KIAA1217: variants seen among roughly 807,000 people sequenced by gnomAD.
The protein encoded by KIAA1217 is KIAA1217.
In KIAA1217, 88 loss-of-function variants were observed where a neutral mutation model predicts 163.9. That is an observed-to-expected ratio of 0.54 (90% CI 0.45 to 0.64). KIAA1217 has a LOEUF of 0.64. Among genes scored for constraint, KIAA1217 ranks in the 30% least tolerant of loss-of-function variants. The pLI is 0.00. For synonymous variants in KIAA1217, 903 were observed against 923.1 expected (o/e 0.98, Z 0.39); for missense variants, 2,372 against 2,475.0 (o/e 0.96, Z 0.88).
At chr10:23,736,910 C>A (rs983698203) in intron 1 of KIAA1217, among the ~76,000 whole-genome samples, 8 of 152,072 alleles carry the variant, frequency 5.3e-5, no homozygotes, top group Non-Finnish European at 1.0e-4. Flanking sequence ...GGCCTTTGTT[C>A]TTCCATATAT....
intron 2 of KIAA1217, among the ~76,000 whole-genome samples, chr10:24,171,103 A>G (rs1239186859): frequency 6.6e-6 from 1 of 152,270 alleles, no homozygotes; most frequent in Non-Finnish European, 1.5e-5. Context: ...CAAAGAAGGC[A>G]TCAAGCACTT....
intron 2 of KIAA1217, among the ~76,000 whole-genome samples, chr10:24,123,466 C>T (rs954661786): frequency 1.3e-5 from 2 of 152,042 alleles, no homozygotes; most frequent in Admixed American, 6.6e-5. Context: ...TCCTTGTACA[C>T]GTCTTTTATG....
intron 2 of KIAA1217, among the ~76,000 whole-genome samples, chr10:24,332,314 G>A (rs75025233): frequency 0.02 from 3,062 of 152,282 alleles, 99 homozygotes; most frequent in African/African-American, 0.07. Flanking sequence ...ATTGCCTCAT[G>A]GAACACCCAG....
chr10:24,538,536 G>A (rs1421400188), intron 17 of KIAA1217, among the ~76,000 whole-genome samples: 1 of 133,468 alleles, frequency 7.5e-6, no homozygotes, highest in Non-Finnish European at 1.6e-5. Flanking sequence ...GAGGGAGAGA[G>A]GGTAGGAGGG....
chr10:24,474,437 G>A (rs1482037340), intron 6 of KIAA1217, among the ~76,000 whole-genome samples: 1 of 152,206 alleles, frequency 6.6e-6, no homozygotes. Context: ...ATCTGCTACT[G>A]CTGAAAATAA....
chr10:23,836,087 C>T (rs900656470), intron 1 of KIAA1217, among the ~76,000 whole-genome samples: 5 of 152,138 alleles, frequency 3.3e-5, no homozygotes, highest in African/African-American at 9.7e-5. Flanking sequence ...TTCTTACATA[C>T]TGTACTTCAA....
intron 2 of KIAA1217, among the ~76,000 whole-genome samples, chr10:24,279,722 A>G (rs1285384584): frequency 6.6e-6 from 1 of 152,250 alleles, no homozygotes; most frequent in African/African-American, 2.4e-5. Context: ...TCAAAATAGA[A>G]GCACAGATTT....
At position 24,041,502 on chromosome 10, in the gene KIAA1217, T is replaced by A. The variant is rs186736611; in HGVS notation, c.-171+34128T>A. Among the ~76,000 whole-genome samples the A allele has an allele frequency of 6.0e-4, 92 of 152,114 alleles. 2 individuals carry two copies. In the East Asian group the frequency reaches 0.016, roughly 27 times the overall value. Reference sequence around the variant, plus strand: ...AATAATTTATATCTCTTTCCCTGACTCTCTCTCTCTGATGCACACACATAT... The same window carrying A: ...AATAATTTATATCTCTTTCCCTGACACTCTCTCTCTGATGCACACACATAT... On this transcript the variant is annotated intron_variant, in intron 2 of 18. Coordinates refer to the KIAA1217 transcript ENST00000376462.
At chr10:24,034,869 GCTGCT>G (rs1848328450) in intron 2 of KIAA1217, among the ~76,000 whole-genome samples, 1 of 151,330 alleles carries the variant, frequency 6.6e-6, no homozygotes, top group Admixed American at 6.6e-5. Flanking sequence ...CCAGATCAGA[GCTGCT>G]GGATTCCCAT....
intron 2 of KIAA1217, among the ~76,000 whole-genome samples, chr10:24,375,249 G>A (rs1053806937): frequency 6.6e-6 from 1 of 152,156 alleles, no homozygotes; most frequent in African/African-American, 2.4e-5. Flanking sequence ...TGTGCCCGAT[G>A]GAGCTCCCTG....
chr10:23,962,636 G>A (rs192207584), intron 1 of KIAA1217, among the ~76,000 whole-genome samples: 4 of 152,062 alleles, frequency 2.6e-5, no homozygotes, highest in East Asian at 1.9e-4. Context: ...ACCCTACCCC[G>A]TATCCCACCC....
intron 2 of KIAA1217, among the ~76,000 whole-genome samples, chr10:24,064,283 A>C (rs1344458568): frequency 6.6e-6 from 1 of 152,150 alleles, no homozygotes; most frequent in African/African-American, 2.4e-5. Context: ...TGGGTTTGTC[A>C]TAGATAGCTC....
chr10:24,338,910 A>C (rs2046724384), intron 2 of KIAA1217, among the ~76,000 whole-genome samples: 1 of 152,222 alleles, frequency 6.6e-6, no homozygotes, highest in South Asian at 2.1e-4. Context: ...ACCAAGATTC[A>C]TTTCAGAAAT....
At chr10:24,007,087 C>T (rs1426646592) in intron 1 of KIAA1217, 2 of 151,884 alleles carry the variant, frequency 1.3e-5, no homozygotes, top group Non-Finnish European at 2.9e-5. Flanking sequence ...TACAAAGCAT[C>T]CTGAGCCAGG....
chr10:24,008,549 G>A (rs1847107650), intron 2 of KIAA1217, among the ~76,000 whole-genome samples: 4 of 152,142 alleles, frequency 2.6e-5, no homozygotes, highest in African/African-American at 9.7e-5. Context: ...GCATGCGGGT[G>A]CTGGATTTTG....
In KIAA1217 at chr10:24,501,528, C is replaced by G. The variant is rs2067578300; in HGVS notation, c.1984C>G (p.Gln662Glu). ...GGCGGAACTCAGGCTCCAGCTCCAGCAGATGCGGCAGCTCCAGGTATTCCT... is the reference window on the plus strand; with the variant it reads ...GGCGGAACTCAGGCTCCAGCTCCAGGAGATGCGGCAGCTCCAGGTATTCCT... Reference protein sequence around the residue: ...SVAELRLQLQQMRQLQLQNQE... With the variant: ...SVAELRLQLQEMRQLQLQNQE... The change falls in exon 9 of 21, where the codon CAG becomes GAG. Residue 662 changes from glutamine to glutamate, a missense_variant. Around this residue, in one of 3 missense-constraint regions of KIAA1217, gnomAD observed 1,431 missense variants for 1,470.3 expected, o/e 0.97. Transcript: ENST00000376454. 5.6e-6 allele frequency: 9 copies of G among 1,613,288 alleles called. No individual in the cohort carries two copies. The highest frequency in any genetic ancestry group is 5.9e-6 in the Non-Finnish European group (7 of 1,179,740).
At chr10:24,269,089 T>A (rs1405349487) in intron 2 of KIAA1217, among the ~76,000 whole-genome samples, 135 of 138,738 alleles carry the variant, frequency 9.7e-4, no homozygotes, top group Non-Finnish European at 1.5e-3. Context: ...AGGATAGCAT[T>A]GGGAGATATA....
In KIAA1217 at chr10:23,790,124, TAC is replaced by T. The variant is rs1835699452; in HGVS notation, c.-321+94894_-321+94895del. Among the ~76,000 whole-genome samples, 4 of 86,850 alleles carry T rather than the reference TAC, an allele frequency of 4.6e-5. 1 individual carries two copies. The highest frequency in any genetic ancestry group is 5.5e-5 in the African/African-American group (1 of 18,092). The allele number at this position is 86,850 out of a possible 152,430, so 57.0% of individuals were successfully genotyped here. A position where few individuals can be genotyped will look rare whatever the true frequency, so the allele number is the denominator to read the frequency against. Reference sequence around the variant, plus strand: ...ATATACACATATGCATATACACATATACACATATGCATATACACATATACACA... The same window carrying T: ...ATATACACATATGCATATACACATATACATATGCATATACACATATACACA... On this transcript the variant is annotated intron_variant, in intron 1 of 18. Transcript: ENST00000376462.
At chr10:23,748,872 A>C (rs1387666561) in intron 1 of KIAA1217, among the ~76,000 whole-genome samples, 1 of 151,930 alleles carries the variant, frequency 6.6e-6, no homozygotes, top group Non-Finnish European at 1.5e-5. Flanking sequence ...CCTTTACCCC[A>C]AGTCTAGGGT....
Sources: gnomAD v4.1 joint callset for allele counts (sites outside exome capture counted in the v4.1 genomes callset) on GRCh38, gnomAD v4.1.1 for gene constraint, gnomAD v4.1.1 regional missense constraint, MANE v1.5 for transcripts, NCBI Gene and HGNC (gene_info 2026-07-23, HGNC 2026-07-21) for gene names.